The following DIAPH2 variants were observed in gnomAD, a reference collection of about 807,000 sequenced individuals.
The protein encoded by DIAPH2 is diaphanous related formin 2, also known as protein diaphanous homolog 2.
In DIAPH2, 35 loss-of-function variants were observed where a neutral mutation model predicts 92.7. The observed-to-expected ratio is 0.38, with a 90% confidence interval of 0.29 to 0.50. DIAPH2 has a LOEUF of 0.50. Ranked by LOEUF, DIAPH2 falls within the 20% of genes least tolerant of loss-of-function variation. The pLI, the probability that DIAPH2 is intolerant of heterozygous loss-of-function variation, is 0.94. For missense variants in DIAPH2, 701 were observed against 819.5 expected (o/e 0.86, Z 1.77); for synonymous variants, 301 against 280.4 (o/e 1.07, Z -0.73).
chrX:97,562,850 C>T (rs2071303746), intron 26 of DIAPH2, among the ~76,000 whole-genome samples: 2 of 111,831 alleles, frequency 1.8e-5, no homozygotes, highest in Admixed American at 1.9e-4. Flanking sequence ...CTTTGTGGTA[C>T]AAATTAACAA....
chrX:97,283,381 G>A (rs926328047), intron 23 of DIAPH2, among the ~76,000 whole-genome samples: 1 of 111,251 alleles, frequency 9.0e-6, no homozygotes, highest in Non-Finnish European at 1.9e-5. Flanking sequence ...ACAATAATTC[G>A]CCCAAGCTCA....
intron 26 of DIAPH2, among the ~76,000 whole-genome samples, chrX:97,512,060 A>G (rs1259415828): frequency 1.8e-5 from 2 of 113,326 alleles, no homozygotes; most frequent in Non-Finnish European, 3.7e-5. Flanking sequence ...TTTTCTATTG[A>G]TTGGAATAGT....
intron 5 of DIAPH2, among the ~76,000 whole-genome samples, chrX:96,888,578 T>TATCTATATAG (rs1279139992): frequency 2.1e-5 from 2 of 97,046 alleles, no homozygotes; most frequent in African/African-American, 7.7e-5. Context: ...CAGATATATA[T>TATCTATATAG]ATCTATATAT....
intron 22 of DIAPH2, among the ~76,000 whole-genome samples, chrX:97,195,625 C>T (rs866113896): frequency 1.3e-4 from 13 of 99,384 alleles, no homozygotes; most frequent in Non-Finnish European, 1.8e-4. Context: ...CTCGCCACTG[C>T]ACTCCAGCCT....
intron 25 of DIAPH2, among the ~76,000 whole-genome samples, chrX:97,386,538 C>T (rs755373494): frequency 1.1e-3 from 126 of 110,012 alleles, no homozygotes; most frequent in Non-Finnish European, 1.6e-3. Flanking sequence ...CGTGGTGGTG[C>T]GCACCTGTAG....
chrX:96,938,681 C>CTA (rs2065673798), intron 11 of DIAPH2, among the ~76,000 whole-genome samples: 1 of 112,028 alleles, frequency 8.9e-6, no homozygotes, highest in East Asian at 2.8e-4. Context: ...TTCTAGTTTA[C>CTA]TAAAAGCATC....
At chrX:97,562,312 A>G (rs1443462629) in intron 26 of DIAPH2, among the ~76,000 whole-genome samples, 1 of 106,552 alleles carries the variant, frequency 9.4e-6, no homozygotes, top group African/African-American at 3.5e-5. Context: ...CCTGGCCAAT[A>G]TGGTGAAACC....
chrX:97,183,444 G>A (rs2067556447), intron 22 of DIAPH2, among the ~76,000 whole-genome samples: 1 of 112,014 alleles, frequency 8.9e-6, no homozygotes, highest in Non-Finnish European at 1.9e-5. Flanking sequence ...TTTTAATAAA[G>A]TGGAAAGGAC....
chrX:97,310,225 A>T (rs986414207), intron 23 of DIAPH2, among the ~76,000 whole-genome samples: 2 of 112,321 alleles, frequency 1.8e-5, no homozygotes, highest in Non-Finnish European at 3.8e-5. Context: ...ATACTCATTC[A>T]TTCATTCAGC....
chrX:96,810,501 G>T (rs191480769), intron 4 of DIAPH2, among the ~76,000 whole-genome samples: 20 of 111,665 alleles, frequency 1.8e-4, no homozygotes, highest in African/African-American at 5.9e-4. Context: ...TTCTTTTGCT[G>T]TGCAGAAGCT....
intron 4 of DIAPH2, among the ~76,000 whole-genome samples, 177 bp from the exon 5 acceptor site, chrX:96,881,402 G>A (rs20376): frequency 0.024 from 2,607 of 110,412 alleles, 73 homozygotes; most frequent in African/African-American, 0.081. Context: ...ATGAGGTTGA[G>A]GAAAATGTTG....
At chrX:97,280,228 A>C (rs2068485502) in intron 23 of DIAPH2, among the ~76,000 whole-genome samples, 1 of 110,685 alleles carries the variant, frequency 9.0e-6, no homozygotes, top group African/African-American at 3.3e-5. Context: ...TAATCCTAGC[A>C]CTTTGGGAGG....
chrX:97,205,540 C>A (rs1242710024), intron 22 of DIAPH2, among the ~76,000 whole-genome samples: 1 of 110,999 alleles, frequency 9.0e-6, no homozygotes, highest in Non-Finnish European at 1.9e-5. Context: ...GAAATGTGGC[C>A]AACAGATACA....
chrX:96,693,086 A>G (rs1447773321), intron 1 of DIAPH2, among the ~76,000 whole-genome samples: 6 of 112,193 alleles, frequency 5.3e-5, no homozygotes, highest in African/African-American at 1.9e-4. Context: ...CAACTTGGGC[A>G]AATGGCCTAG....
chrX:97,129,149 T>TCCTTTCCTTTCCTTTC (rs35612983), intron 21 of DIAPH2, among the ~76,000 whole-genome samples: 1 of 101,583 alleles, frequency 9.8e-6, no homozygotes, highest in African/African-American at 3.8e-5. Flanking sequence ...TTCTTTTCTT[T>TCCTTTCCTTTCCTTTC]CTTTTCTTTT....
intron 23 of DIAPH2, among the ~76,000 whole-genome samples, chrX:97,306,871 A>G (rs779644717): frequency 1.8e-5 from 2 of 112,337 alleles, no homozygotes; most frequent in South Asian, 3.8e-4. Flanking sequence ...AGGAATAGAG[A>G]TAAGAAAAAA....
intron 24 of DIAPH2, among the ~76,000 whole-genome samples, chrX:97,363,641 G>A (rs1165120542): frequency 1.0e-5 from 1 of 98,120 alleles, no homozygotes; most frequent in Non-Finnish European, 2.0e-5. Flanking sequence ...ACTCCAGCCT[G>A]GGTGACAGAG....
chrX:97,053,061 G>C (rs1197470107), intron 17 of DIAPH2, among the ~76,000 whole-genome samples: 3 of 111,291 alleles, frequency 2.7e-5, no homozygotes, highest in African/African-American at 9.8e-5. Flanking sequence ...AGATGAGCAA[G>C]TTTATTTCTA....
chrX:96,869,571 C>T (rs1392606537), intron 4 of DIAPH2, among the ~76,000 whole-genome samples: 1 of 107,585 alleles, frequency 9.3e-6, no homozygotes. Context: ...ACTACTACTA[C>T]TACTACTACT....
Sources: allele counts gnomAD v4.1 joint callset (sites outside exome capture counted in the v4.1 genomes callset), GRCh38; gene constraint gnomAD v4.1.1; transcripts MANE v1.5; gene names NCBI Gene and HGNC (gene_info 2026-07-23, HGNC 2026-07-21).